The following ARID3A variants were observed in gnomAD, a reference collection of about 807,000 sequenced individuals.
ARID3A encodes AT-rich interactive domain-containing protein 3A.
In ARID3A, 11 loss-of-function variants were observed where a neutral mutation model predicts 52.7. That is an observed-to-expected ratio of 0.21 (90% CI 0.13 to 0.35). The LOEUF is 0.35. ARID3A is among the 10% of genes least tolerant of loss of function. The pLI is 1.00. For missense variants in ARID3A, 721 were observed against 838.5 expected (o/e 0.86, Z 1.73); for synonymous variants, 404 against 359.4 (o/e 1.12, Z -1.40).
chr19:931,972 T>C (rs1403080923), intron 2 of ARID3A, among the ~76,000 whole-genome samples: 1 of 149,246 alleles, frequency 6.7e-6, no homozygotes, highest in East Asian at 1.9e-4. Flanking sequence ...TGGTGCAGGA[T>C]GCAGGAACCA....
Position 970,498 on chromosome 19 carries a change from CTTTTTTTTTTTTT to C in ARID3A, c.1595-1365_1595-1353del, listed in dbSNP as rs1177419405. On this transcript the variant is annotated intron_variant, in intron 8 of 8. Transcript: ENST00000263620. ...GAACATAAGTAAATGAATAGTTTTT[CTTTTTTTTTTTTT>C]TTTTTTTTTTTTTTGAGACAGAGTC... Among the ~76,000 whole-genome samples, 262 of 88,352 alleles carry C rather than the reference CTTTTTTTTTTTTT, an allele frequency of 3.0e-3. 1 individual carries two copies. Among genetic ancestry groups the C allele is most frequent in the African/African-American group, 0.012 (251 of 21,500 alleles). The allele number at this position is 88,352 out of a possible 152,430, so 58.0% of individuals were successfully genotyped here.
intron 3 of ARID3A, among the ~76,000 whole-genome samples, chr19:945,411 C>T (rs1010408521): frequency 2.0e-5 from 3 of 151,876 alleles, no homozygotes; most frequent in South Asian, 2.1e-4. Flanking sequence ...AGCCCACCTC[C>T]GTCTGCTCCC....
chr19:969,750 C>T (rs969292896), intron 8 of ARID3A, among the ~76,000 whole-genome samples: 6 of 149,836 alleles, frequency 4.0e-5, no homozygotes, highest in East Asian at 2.0e-4. Flanking sequence ...TGCAGTGGCA[C>T]GATCTTGACT....
At chr19:956,340 A>C (rs1263188403) in intron 3 of ARID3A, 1 of 152,426 alleles carries the variant, frequency 6.6e-6, no homozygotes, top group Middle Eastern at 3.4e-3. Flanking sequence ...TTATTAGGCA[A>C]CTGCTGTGTG....
intron 2 of ARID3A, among the ~76,000 whole-genome samples, chr19:930,327 G>A (rs2037294301): frequency 6.6e-6 from 1 of 151,702 alleles, no homozygotes; most frequent in South Asian, 2.1e-4. Flanking sequence ...CGAGGTGGGT[G>A]GATCACCTGA....
chr19:950,807 C>T (rs2037788922), intron 3 of ARID3A, among the ~76,000 whole-genome samples: 1 of 151,980 alleles, frequency 6.6e-6, no homozygotes, highest in Non-Finnish European at 1.5e-5. Context: ...GTAGGAGTCA[C>T]AGTGAATTAG....
Position 968,466 on chromosome 19 carries a change from C to G in ARID3A, c.1557C>G (p.Ile519Met). The G allele has an allele frequency of 6.2e-7, 1 of 1,614,082 alleles. No homozygotes were observed. The highest frequency in any genetic ancestry group is 8.5e-7 in the Non-Finnish European group (1 of 1,179,994). ...CGGGCACCAACGGCAGCAACAGCATCAGCATGTCGGTGGAGATCAACGGCA... is the reference window on the plus strand; with the variant it reads ...CGGGCACCAACGGCAGCAACAGCATGAGCATGTCGGTGGAGATCAACGGCA... ...NLTGTNGSNS[I>M]SMSVEINGIM... Residue 519 changes from isoleucine (I) to methionine (M), a missense_variant, in exon 8 of 9, where the codon ATC (isoleucine) becomes ATG (methionine). Physicochemically the swap from Ile to Met is conservative, Grantham distance 10. Coordinates refer to ENST00000263620, the MANE Select transcript of ARID3A (RefSeq NM_005224.3).
chr19:954,178 C>T (rs1033456957), intron 3 of ARID3A, among the ~76,000 whole-genome samples: 1 of 152,054 alleles, frequency 6.6e-6, no homozygotes, highest in African/African-American at 2.4e-5. Context: ...CTGTGAAAAA[C>T]CCCCCACCCC....
At chr19:956,346 G>C (rs2037916881) in intron 3 of ARID3A, 1 of 152,334 alleles carries the variant, frequency 6.6e-6, no homozygotes, top group Non-Finnish European at 1.5e-5. Context: ...GGCAACTGCT[G>C]TGTGCTCGGC....
Position 944,069 on chromosome 19 carries a change from C to T in ARID3A, c.693+11327C>T, listed in dbSNP as rs888002285. Among the ~76,000 whole-genome samples, 1 of 127,514 alleles carries T rather than the reference C, an allele frequency of 7.8e-6. No individual in the cohort carries two copies. Among genetic ancestry groups the T allele is most frequent in the African/African-American group, 3.0e-5 (1 of 32,800 alleles). 83.7% of individuals were successfully genotyped at this position (127,514 alleles called of 152,430 possible). On this transcript the variant is annotated intron_variant, in intron 3 of 8. Coordinates refer to ENST00000263620, the MANE Select transcript of ARID3A (RefSeq NM_005224.3). This position sits in a 1 kb window ranked among gnomAD's most constrained non-coding sequence, Gnocchi z 5.9. ...TGGGCACTTACGGGGCATCTGTATG[C>T]CAGCCCGACCCTCTCATGGGCACCT...
intron 3 of ARID3A, among the ~76,000 whole-genome samples, chr19:956,918 T>C (rs2037930155): frequency 6.6e-6 from 1 of 152,196 alleles, no homozygotes; most frequent in Non-Finnish European, 1.5e-5. Flanking sequence ...TGGGCCCTAA[T>C]GACCGATCAT....
Position 959,767 on chromosome 19 carries a change from C to T in ARID3A, c.694-325C>T, listed in dbSNP as rs939999740. Among the ~76,000 whole-genome samples, 10 of 152,164 alleles carry T rather than the reference C, an allele frequency of 6.6e-5. No homozygotes were observed. The highest frequency in any genetic ancestry group is 2.2e-4 in the African/African-American group (9 of 41,496). On this transcript the variant is annotated intron_variant, in intron 3 of 8. Coordinates refer to ENST00000263620, the MANE Select transcript of ARID3A (RefSeq NM_005224.3). This position sits in a 1 kb window ranked among gnomAD's most constrained non-coding sequence, Gnocchi z 5.0. ...GTGGAGACGGAGGCAGAGACTGGAGCGCTGCGGCCACAAGCCAGGACGCAC... is the reference window on the plus strand; with the variant it reads ...GTGGAGACGGAGGCAGAGACTGGAGTGCTGCGGCCACAAGCCAGGACGCAC...
chr19:940,911 G>A (rs1471974528), intron 3 of ARID3A, among the ~76,000 whole-genome samples: 4 of 152,092 alleles, frequency 2.6e-5, no homozygotes, highest in African/African-American at 7.2e-5. Flanking sequence ...GGGCCCTGGC[G>A]GGCGAGGGGT....
intron 8 of ARID3A, among the ~76,000 whole-genome samples, chr19:969,879 G>T (rs1274676223): frequency 6.6e-6 from 1 of 151,660 alleles, no homozygotes; most frequent in Non-Finnish European, 1.5e-5. Context: ...TTTTAGTAGA[G>T]ATGAGGTTTC....
chr19:947,832 C>G lies in ARID3A; in HGVS notation c.694-12260C>G, dbSNP rs1017593160. On this transcript the variant is annotated intron_variant, in intron 3 of 8. Coordinates refer to ENST00000263620, the MANE Select transcript of ARID3A (RefSeq NM_005224.3). This position sits in a 1 kb window ranked among gnomAD's most constrained non-coding sequence, Gnocchi z 6.3. ...CGGGGGAGTGGAGCCGGCAGATGTT[C>G]GGCCCTGCCCAGAATCACTTCCCCA... Among the ~76,000 whole-genome samples, 2 of 152,196 alleles carry G rather than the reference C, an allele frequency of 1.3e-5. No homozygotes were observed. The highest frequency in any genetic ancestry group is 2.9e-5 in the Non-Finnish European group (2 of 68,016).
chr19:929,630 AC>A lies in ARID3A; in HGVS notation c.108del (p.Gly37AlafsTer87), dbSNP rs1176709997. 3.9e-6 allele frequency: 6 copies of A among 1,525,702 alleles called. No homozygotes were observed. The highest frequency in any genetic ancestry group is 5.0e-5 in the East Asian group (2 of 40,020). 94.5% of individuals were successfully genotyped at this position (1,525,702 alleles called of 1,614,324 possible). ...AGCTGCCCCCCGATCCCCCTGCTGC[AC>A]CCCCCGGCCGGGCCCGGGCTGCCCC... is the stretch of plus-strand genomic sequence containing the variant. ...QQLPPDPPAAPPGRARAAPDE... is the reference protein window; with the variant it reads ...QQLPPDPPAAXPGRARAAPDE... On this transcript the variant is annotated frameshift_variant, in exon 2 of 9. Transcript: ENST00000263620. LOFTEE classifies it high-confidence loss of function. This position sits in a 1 kb window ranked among gnomAD's most constrained non-coding sequence, Gnocchi z 6.2.
At chr19:967,165 A>C (rs2038176582) in intron 7 of ARID3A, among the ~76,000 whole-genome samples, 1 of 151,910 alleles carries the variant, frequency 6.6e-6, no homozygotes, top group African/African-American at 2.4e-5. Context: ...AGGCTGAGGC[A>C]GGAGAATCAC....
At chr19:955,901 C>T (rs547051795) in intron 3 of ARID3A, among the ~76,000 whole-genome samples, 54 of 152,276 alleles carry the variant, frequency 3.5e-4, no homozygotes, top group African/African-American at 1.2e-3. Context: ...CGTCCTGGAG[C>T]CCAGAGTCCA....
chr19:933,069 C>T (rs562682902), intron 3 of ARID3A, among the ~76,000 whole-genome samples: 13 of 152,176 alleles, frequency 8.5e-5, no homozygotes, highest in Non-Finnish European at 1.6e-4. Flanking sequence ...CCGAGCTGGG[C>T]TTGGGTTGGA....
Sources: allele counts gnomAD v4.1 joint callset (sites outside exome capture counted in the v4.1 genomes callset), GRCh38; gene constraint gnomAD v4.1.1; non-coding constraint Gnocchi (gnomAD v3.1); transcripts MANE v1.5; gene names NCBI Gene and HGNC (gene_info 2026-07-23, HGNC 2026-07-21).